NACC1: variants seen among roughly 807,000 people sequenced by gnomAD.
NACC1 encodes the protein nucleus accumbens-associated protein 1.
NACC1 carries 6 observed loss-of-function variants against 41.7 expected under a neutral mutation model. That is an observed-to-expected ratio of 0.14 (90% CI 0.08 to 0.28). The LOEUF is 0.28. NACC1 is among the 10% of genes least tolerant of loss of function. The pLI, the probability that NACC1 is intolerant of heterozygous loss-of-function variation, is 1.00. For missense variants in NACC1, 434 were observed against 763.7 expected (o/e 0.57, Z 5.09); for synonymous variants, 338 against 330.6 (o/e 1.02, Z -0.24).
At chr19:13,129,914 T>G (rs2019611685) in intron 1 of NACC1, among the ~76,000 whole-genome samples, 1 of 139,894 alleles carries the variant, frequency 7.1e-6, no homozygotes, top group Non-Finnish European at 1.6e-5. Flanking sequence ...AGACCCTGTC[T>G]TTAAAAAAAA....
At position 13,140,750 on chromosome 19, in the gene NACC1, CA is replaced by C. The variant is rs1244200622; in HGVS notation, c.*2345del. The C allele has an allele frequency of 6.5e-6, 1 of 152,886 alleles. No homozygotes were observed. The highest frequency in any genetic ancestry group is 1.5e-5 in the Non-Finnish European group (1 of 68,342). 9.5% of individuals were successfully genotyped at this position (152,886 alleles called of 1,614,324 possible). On this transcript the variant is annotated 3_prime_UTR_variant, in exon 6 of 6. Coordinates refer to ENST00000292431, the MANE Select transcript of NACC1 (RefSeq NM_052876.4). This position sits in a 1 kb window ranked among gnomAD's most constrained non-coding sequence, Gnocchi z 4.0. ...CCTGTACCCCCCTTGCCCTGCCATTCACCCTCCACCCCTACCCCTGGGCGGC... is the reference window on the plus strand; with the variant it reads ...CCTGTACCCCCCTTGCCCTGCCATTCCCCTCCACCCCTACCCCTGGGCGGC...
rs939314811 is a variant in NACC1, at chr19:13,135,085, G to C, written c.-8-115G>C. The stretch of plus-strand genomic sequence containing the variant: ...GCACCATGGTAGATTCCATCGTGCG[G>C]ATGTCCCTCCAGCAGGGGAGGTCTT... On this transcript the variant is annotated intron_variant, in intron 1 of 5. Transcript: ENST00000292431. 3 of 1,433,154 alleles carry C rather than the reference G, an allele frequency of 2.1e-6. No homozygotes were observed. In the African/African-American group the frequency reaches 4.3e-5, roughly 21 times the overall value. 88.8% of individuals were successfully genotyped at this position (1,433,154 alleles called of 1,614,324 possible).
Position 13,137,522 on chromosome 19 carries a change from C to A in NACC1, c.1271C>A (p.Thr424Asn). 6.3e-7 allele frequency: 1 copy of A among 1,584,190 alleles called. No homozygotes were observed. Among genetic ancestry groups the A allele is most frequent in the South Asian group, 1.1e-5 (1 of 87,862 alleles). ...NSCGTGIRSS[T>N]NDPRRKPLDS... The stretch of plus-strand genomic sequence containing the variant: ...TGCGGCACCGGCATCCGCTCTTCTA[C>A]CAACGATCCCCGTCGGAAGCCCCTG... The change falls in exon 5 of 6, where the codon ACC (threonine) becomes AAC (asparagine). Residue 424 changes from threonine (T) to asparagine (N), a missense_variant. Physicochemically the swap from Thr to Asn is moderately conservative, Grantham distance 65. This residue lies in a region of NACC1 where 70 missense variants were observed against 206.9 expected (regional missense o/e 0.34). Transcript: ENST00000292431. The surrounding 1 kb of genome is among the most constrained non-coding windows in gnomAD (Gnocchi z 6.1).
rs779941993 is a variant in NACC1 at position 13,126,112 on chromosome 19, CG to C, written c.-9+7660del. Among the ~76,000 whole-genome samples the C allele has an allele frequency of 5.7e-4, 87 of 151,310 alleles. 1 individual carries two copies. Among genetic ancestry groups the C allele is most frequent in the Non-Finnish European group, 1.0e-3 (69 of 67,886 alleles). On this transcript the variant is annotated intron_variant, in intron 1 of 5. Coordinates refer to ENST00000292431, the MANE Select transcript of NACC1 (RefSeq NM_052876.4). ...AGGCTGGAGTGCATTGGCCCGATCT[CG>C]GCTCACCGCAACCTTCGCCTCCTGA...
At position 13,136,426 on chromosome 19, in the gene NACC1, A is replaced by G; in HGVS notation, c.1120+21A>G. 1 of 1,598,262 alleles carries G rather than the reference A, an allele frequency of 6.3e-7. No homozygotes were observed. Among genetic ancestry groups the G allele is most frequent in the Non-Finnish European group, 8.5e-7 (1 of 1,171,508 alleles). ...GACAGGTGGGCCGGTCTCGCCCCAG[A>G]TCTCTCCCCTCCGCAGCTTTGGAGC... On this transcript the variant is annotated intron_variant, in intron 3 of 5. Coordinates refer to ENST00000292431, the MANE Select transcript of NACC1 (RefSeq NM_052876.4). The surrounding 1 kb of genome is among the most constrained non-coding windows in gnomAD (Gnocchi z 5.5).
At chr19:13,124,452 G>A (rs1265121384) in intron 1 of NACC1, among the ~76,000 whole-genome samples, 1 of 152,100 alleles carries the variant, frequency 6.6e-6, no homozygotes, top group Non-Finnish European at 1.5e-5. Context: ...GTATTGCCCA[G>A]GCTGGTCTCA....
rs749707137 is a variant in NACC1 at position 13,136,327 on chromosome 19, A to C, written c.1042A>C (p.Ile348Leu). ...QDLASLPAEL[I>L]NQIGNRCHPK... ...CCTGGCGTCTCTCCCGGCTGAACTT[A>C]TCAACCAGATTGGGAACCGCTGCCA... Residue 348 changes from isoleucine to leucine, a missense_variant, in exon 3 of 6, where the codon ATC becomes CTC. Physicochemically the swap from Ile to Leu is conservative, Grantham distance 5 (BLOSUM62 2). Transcript: ENST00000292431. The surrounding 1 kb of genome is among the most constrained non-coding windows in gnomAD (Gnocchi z 5.5). 9 of 1,614,050 alleles carry C rather than the reference A, an allele frequency of 5.6e-6. No individual in the cohort carries two copies. The highest frequency in any genetic ancestry group is 7.6e-6 in the Non-Finnish European group (9 of 1,180,016).
intron 1 of NACC1, among the ~76,000 whole-genome samples, chr19:13,133,299 A>G (rs2019656630): frequency 6.6e-6 from 1 of 151,524 alleles, no homozygotes; most frequent in Admixed American, 6.6e-5. Flanking sequence ...CGGGCGTGAT[A>G]GCTCACACCT....
rs776120685 is a variant in NACC1, at chr19:13,136,369, G to A, written c.1084G>A (p.Glu362Lys). 6.2e-7 allele frequency: 1 copy of A among 1,613,902 alleles called. No homozygotes were observed. Among genetic ancestry groups the A allele is most frequent in the South Asian group, 1.1e-5 (1 of 91,092 alleles). The change falls in exon 3 of 6, where the codon GAG becomes AAG. Residue 362 changes from glutamate to lysine, a missense_variant. Glu to Lys is a moderately conservative substitution (Grantham distance 56). Transcript: ENST00000292431. This position sits in a 1 kb window ranked among gnomAD's most constrained non-coding sequence, Gnocchi z 5.5. The part of the protein sequence containing the change: ...GNRCHPKLYD[E>K]GDPSEKLELV... ...CCGCTGCCACCCCAAGCTCTACGAC[G>A]AGGGCGACCCCTCTGAGAAGCTGGA...
chr19:13,123,208 G>T (rs948182834), intron 1 of NACC1, among the ~76,000 whole-genome samples: 1 of 152,166 alleles, frequency 6.6e-6, no homozygotes, highest in Non-Finnish European at 1.5e-5. Flanking sequence ...ACTTACTGTT[G>T]TTCCCTCCAC....
intron 1 of NACC1, among the ~76,000 whole-genome samples, chr19:13,121,145 G>C (rs1305088500): frequency 2.0e-5 from 3 of 152,208 alleles, no homozygotes; most frequent in Non-Finnish European, 4.4e-5. Context: ...TGGGTGGCCG[G>C]AAGTGTTCCC....
intron 1 of NACC1, among the ~76,000 whole-genome samples, chr19:13,126,144 AGC>A (rs1189837046): frequency 1.3e-5 from 2 of 149,630 alleles, no homozygotes; most frequent in Non-Finnish European, 3.0e-5. Flanking sequence ...CCTGAGTTCA[AGC>A]GATTCTCCTG....
Position 13,136,542 on chromosome 19 carries a change from T to G in NACC1, c.1120+137T>G. The G allele has an allele frequency of 9.5e-7, 1 of 1,052,206 alleles. No individual in the cohort carries two copies. Among genetic ancestry groups the G allele is most frequent in the Non-Finnish European group, 1.3e-6 (1 of 751,084 alleles). The allele number at this position is 1,052,206 out of a possible 1,614,324, so 65.2% of individuals were successfully genotyped here. A position where few individuals can be genotyped will look rare whatever the true frequency, so the allele number is the denominator to read the frequency against. ...GCTGTAGTGTTGGTAACAGCCACCC[T>G]AAGGGTGGGGGCGTTGGTGAGATGG... On this transcript the variant is annotated intron_variant, in intron 3 of 5. Transcript: ENST00000292431. The surrounding 1 kb of genome is among the most constrained non-coding windows in gnomAD (Gnocchi z 5.5).
chr19:13,123,676 G>A (rs1254923518), intron 1 of NACC1, among the ~76,000 whole-genome samples: 1 of 152,214 alleles, frequency 6.6e-6, no homozygotes, highest in Non-Finnish European at 1.5e-5. Flanking sequence ...CAGTAGCTCA[G>A]GTAAAGAGCC....
chr19:13,140,580 C>G lies in NACC1; in HGVS notation c.*2174C>G, dbSNP rs2019775857. ...GCAGAGCCCACTTGTTTCAGGGACC[C>G]CAGGAGGTGCCCCCTGGCTCCCAGG... On this transcript the variant is annotated 3_prime_UTR_variant, in exon 6 of 6. Transcript: ENST00000292431. The surrounding 1 kb of genome is among the most constrained non-coding windows in gnomAD (Gnocchi z 4.0). The G allele has an allele frequency of 6.6e-6, 1 of 150,610 alleles. No homozygotes were observed. Among genetic ancestry groups the G allele is most frequent in the Non-Finnish European group, 1.5e-5 (1 of 67,622 alleles). The allele number at this position is 150,610 out of a possible 1,614,324, so 9.3% of individuals were successfully genotyped here.
Position 13,137,220 on chromosome 19 carries a change from C to A in NACC1, c.1121-51C>A. ...GAGATGAGGCCTGGTATCATGGGGG[C>A]TGTGGCGGTTTGGGGGCACCCCAGG... is the stretch of plus-strand genomic sequence containing the variant. On this transcript the variant is annotated intron_variant, in intron 3 of 5. Transcript: ENST00000292431. This position sits in a 1 kb window ranked among gnomAD's most constrained non-coding sequence, Gnocchi z 6.1. 1 of 1,555,182 alleles carries A rather than the reference C, an allele frequency of 6.4e-7. No individual in the cohort carries two copies. The highest frequency in any genetic ancestry group is 1.1e-5 in the South Asian group (1 of 89,402).
chr19:13,124,156 T>C (rs1233574578), intron 1 of NACC1, among the ~76,000 whole-genome samples: 1 of 152,122 alleles, frequency 6.6e-6, no homozygotes, highest in Non-Finnish European at 1.5e-5. Flanking sequence ...CCCAGCTCTT[T>C]GGGAGGCTGA....
rs2019709500 is a variant in NACC1, at chr19:13,136,518, C to T, written c.1120+113C>T. 2 of 1,294,888 alleles carry T rather than the reference C, an allele frequency of 1.5e-6. No individual in the cohort carries two copies. Among genetic ancestry groups the T allele is most frequent in the Admixed American group, 2.7e-5 (1 of 37,276 alleles). 80.2% of individuals were successfully genotyped at this position (1,294,888 alleles called of 1,614,324 possible). A position where few individuals can be genotyped will look rare whatever the true frequency, so the allele number is the denominator to read the frequency against. On this transcript the variant is annotated intron_variant, in intron 3 of 5. Coordinates refer to ENST00000292431, the MANE Select transcript of NACC1 (RefSeq NM_052876.4). The surrounding 1 kb of genome is among the most constrained non-coding windows in gnomAD (Gnocchi z 5.5). ...CAGCACCTCAGTTTCCCTATCTGTG[C>T]TGTAGTGTTGGTAACAGCCACCCTA...
At chr19:13,122,228 G>A (rs552306558) in intron 1 of NACC1, among the ~76,000 whole-genome samples, 3 of 152,288 alleles carry the variant, frequency 2.0e-5, no homozygotes, top group South Asian at 2.1e-4. Flanking sequence ...AGACCTGTGC[G>A]TCTTCTCTGA....
Sources: allele counts gnomAD v4.1 joint callset (sites outside exome capture counted in the v4.1 genomes callset), GRCh38; gene constraint gnomAD v4.1.1; regional missense constraint gnomAD v4.1.1; non-coding constraint Gnocchi (gnomAD v3.1); transcripts MANE v1.5; gene names NCBI Gene and HGNC (gene_info 2026-07-23, HGNC 2026-07-21).